ARHGAP15: variants seen among roughly 807,000 people sequenced by gnomAD.
The protein encoded by ARHGAP15 is rho GTPase-activating protein 15.
Under a neutral mutation model 63.7 loss-of-function variants are expected in ARHGAP15, and 51 were observed. That is an observed-to-expected ratio of 0.80 (90% CI 0.64 to 1.01). ARHGAP15 has a LOEUF of 1.01. Ranked by LOEUF, ARHGAP15 falls within the 50% of genes least tolerant of loss-of-function variation. The probability of loss-of-function intolerance (pLI) is 0.00; values close to 1 mark genes in which losing one functional copy is unlikely to be tolerated. For synonymous variants in ARHGAP15, 191 were observed against 193.8 expected (o/e 0.99, Z 0.12); for missense variants, 560 against 564.6 (o/e 0.99, Z 0.08).
rs533794089 is a variant in ARHGAP15 at position 143,497,328 on chromosome 2, C to A, written c.826+9833C>A. On this transcript the variant is annotated intron_variant, in intron 9 of 13. Transcript: ENST00000295095. The stretch of plus-strand genomic sequence containing the variant: ...TCCTCCTTGTGTTAGAAGTCTGCTG[C>A]GCTCTGGAGAGATGGCCCATGGCTG... 2.6e-5 allele frequency among the ~76,000 whole-genome samples: 4 copies of A among 152,154 alleles called. No individual in the cohort carries two copies. In the South Asian group the frequency reaches 8.3e-4, roughly 32 times the overall value.
chr2:143,425,615 G>T (rs111487493), intron 6 of ARHGAP15, among the ~76,000 whole-genome samples: 1 of 151,914 alleles, frequency 6.6e-6, no homozygotes, highest in African/African-American at 2.4e-5. Flanking sequence ...TAAACAGTTA[G>T]GAATGTTCTC....
intron 6 of ARHGAP15, among the ~76,000 whole-genome samples, chr2:143,425,143 T>C (rs1689087536): frequency 6.6e-6 from 1 of 152,088 alleles, no homozygotes; most frequent in Non-Finnish European, 1.5e-5. Context: ...CAAATGTCAT[T>C]TTGTTTTGGG....
intron 8 of ARHGAP15, among the ~76,000 whole-genome samples, chr2:143,458,226 A>G (rs1690753762): frequency 6.6e-6 from 1 of 152,172 alleles, no homozygotes; most frequent in African/African-American, 2.4e-5. Context: ...GGTAATTTTC[A>G]TGTCATTTGA....
intron 12 of ARHGAP15, among the ~76,000 whole-genome samples, chr2:143,662,939 T>C (rs1359200925): frequency 6.9e-6 from 1 of 144,966 alleles, no homozygotes; most frequent in Non-Finnish European, 1.5e-5. Flanking sequence ...CTACGTCTGA[T>C]TGGCGTACCT....
intron 6 of ARHGAP15, among the ~76,000 whole-genome samples, chr2:143,365,300 G>A (rs1686248480): frequency 6.6e-6 from 1 of 152,146 alleles, no homozygotes; most frequent in African/African-American, 2.4e-5. Flanking sequence ...GCTAACCTGA[G>A]CCATCTATTA....
chr2:143,530,709 A>G (rs1694488530), intron 10 of ARHGAP15, among the ~76,000 whole-genome samples: 2 of 152,130 alleles, frequency 1.3e-5, no homozygotes, highest in African/African-American at 2.4e-5. Context: ...TCCCAAATGT[A>G]TCAGCTTGCA....
chr2:143,540,232 G>T lies in ARHGAP15; in HGVS notation c.926-16176G>T, dbSNP rs545327740. Among the ~76,000 whole-genome samples the T allele has an allele frequency of 2.0e-5, 3 of 152,120 alleles. No homozygotes were observed. In the South Asian group the frequency reaches 6.2e-4, roughly 32 times the overall value. On this transcript the variant is annotated intron_variant, in intron 10 of 13. Transcript: ENST00000295095. ...GCCTTTTTTTGTTTTCCATTTGCTT[G>T]GTAGATCTTCCTCCGTCCCTTTATT...
chr2:143,656,969 GTGTGTA>G (rs1574784404), intron 12 of ARHGAP15, among the ~76,000 whole-genome samples: 1 of 144,792 alleles, frequency 6.9e-6, no homozygotes, highest in South Asian at 2.2e-4. Flanking sequence ...GTGTGTGTGT[GTGTGTA>G]GGAGTGAGGA....
At chr2:143,427,395 A>G (rs1007898120) in intron 6 of ARHGAP15, among the ~76,000 whole-genome samples, 1 of 152,192 alleles carries the variant, frequency 6.6e-6, no homozygotes, top group Non-Finnish European at 1.5e-5. Context: ...AATTGCTACA[A>G]TGCTGATGGA....
At chr2:143,500,723 AG>A (rs997935988) in intron 9 of ARHGAP15, among the ~76,000 whole-genome samples, 7 of 152,240 alleles carry the variant, frequency 4.6e-5, no homozygotes, top group Non-Finnish European at 1.0e-4. Context: ...TGAAGCATAC[AG>A]CCGTTGAATC....
chr2:143,703,669 G>T, intron 13 of ARHGAP15, 145 bp downstream of exon 13: 1 of 604,058 alleles, frequency 1.7e-6, no homozygotes, highest in Non-Finnish European at 2.8e-6. Context: ...TTCTGCAGAA[G>T]CTGGAGAATG....
rs566726205 is a variant in ARHGAP15, at chr2:143,409,011, A to C, written c.475-26590A>C. ...TCTTACATGTATTATAAACAATATA[A>C]AATATTCTGATAATGACATTGTTTA... On this transcript the variant is annotated intron_variant, in intron 6 of 13. Coordinates refer to ENST00000295095, the MANE Select transcript of ARHGAP15 (RefSeq NM_018460.4). Among the ~76,000 whole-genome samples the C allele has an allele frequency of 4.6e-5, 7 of 152,054 alleles. 1 individual carries two copies. The East Asian group carries it at 1.4e-3, about 29-fold the overall frequency.
chr2:143,149,017 CA>C (rs1689707059), intron 1 of ARHGAP15, among the ~76,000 whole-genome samples: 1 of 152,044 alleles, frequency 6.6e-6, no homozygotes, highest in Non-Finnish European at 1.5e-5. Context: ...CTGGAGCTAC[CA>C]GGACCACAAC....
In ARHGAP15 at chr2:143,221,841, A is replaced by C. The variant is rs150565010; in HGVS notation, c.296+5396A>C. ...TGGCTACGAAAAGAAATGCAGAAAA[A>C]AGATTGTGCAGTGGTTACGTCTACT... On this transcript the variant is annotated intron_variant, in intron 4 of 13. Coordinates refer to ENST00000295095, the MANE Select transcript of ARHGAP15 (RefSeq NM_018460.4). 1.9e-3 allele frequency among the ~76,000 whole-genome samples: 290 copies of C among 152,278 alleles called. 1 individual carries two copies. Among genetic ancestry groups the C allele is most frequent in the African/African-American group, 6.7e-3 (279 of 41,550 alleles).
chr2:143,141,494 T>C (rs1689362554), intron 1 of ARHGAP15, among the ~76,000 whole-genome samples: 1 of 151,838 alleles, frequency 6.6e-6, no homozygotes, highest in African/African-American at 2.4e-5. Flanking sequence ...CAGAAACCAA[T>C]ATAAGGCAGG....
At chr2:143,468,356 C>A (rs1359599503) in intron 8 of ARHGAP15, among the ~76,000 whole-genome samples, 1 of 151,710 alleles carries the variant, frequency 6.6e-6, no homozygotes, top group Non-Finnish European at 1.5e-5. Context: ...AGAACAAAAT[C>A]ATTTGTGGAA....
chr2:143,579,532 T>C (rs1018583670), intron 11 of ARHGAP15, among the ~76,000 whole-genome samples: 2 of 152,166 alleles, frequency 1.3e-5, no homozygotes, highest in Non-Finnish European at 2.9e-5. Context: ...ATATCAATTG[T>C]GCCCTTCATT....
At chr2:143,571,083 A>T (rs187250365) in intron 11 of ARHGAP15, among the ~76,000 whole-genome samples, 2 of 152,284 alleles carry the variant, frequency 1.3e-5, no homozygotes, top group African/African-American at 4.8e-5. Context: ...TGCACATGGG[A>T]GGGATCTAGG....
intron 2 of ARHGAP15, among the ~76,000 whole-genome samples, chr2:143,174,861 G>T (rs540038999): frequency 1.3e-5 from 2 of 151,972 alleles, no homozygotes; most frequent in South Asian, 2.1e-4. Flanking sequence ...CAAACACAAT[G>T]TATCCCGAAA....
Sources: allele counts gnomAD v4.1 joint callset (sites outside exome capture counted in the v4.1 genomes callset), GRCh38; gene constraint gnomAD v4.1.1; transcripts MANE v1.5; gene names NCBI Gene and HGNC (gene_info 2026-07-23, HGNC 2026-07-21).